The following CIB1 variants were observed in gnomAD, a reference collection of about 807,000 sequenced individuals.
CIB1 encodes calcium and integrin binding 1.
CIB1 carries 19 observed loss-of-function variants against 25.0 expected under a neutral mutation model. The ratio of observed to expected loss-of-function variants is 0.76; its 90% CI spans 0.53 to 1.12. CIB1 has a LOEUF of 1.12. Among genes scored for constraint, CIB1 ranks in the 50% most tolerant of loss-of-function variants. CIB1 has a pLI of 0.00. For synonymous variants in CIB1, 104 were observed against 98.5 expected, an observed-to-expected ratio of 1.06 and a Z score of -0.33; for missense variants, 236 against 242.6, an observed-to-expected ratio of 0.97 and a Z score of 0.18.
the CIB1 span, chr15:90,258,312 G>C: frequency 2.6e-6 from 4 of 1,565,130 alleles, no homozygotes; most frequent in Admixed American, 3.3e-5. Flanking sequence ...AGGTCCAGAG[G>C]CCTCCTTGAA....
the CIB1 span, among the ~76,000 whole-genome samples, chr15:90,239,305 A>ATGTATGTGTGTG: frequency 6.8e-6 from 1 of 147,874 alleles, no homozygotes; most frequent in Non-Finnish European, 1.5e-5. Flanking sequence ...GAGACATAAA[A>ATGTATGTGTGTG]TGTGTGTGTG....
the CIB1 span, among the ~76,000 whole-genome samples, chr15:90,250,148 G>A: frequency 6.6e-6 from 1 of 151,796 alleles, no homozygotes; most frequent in Admixed American, 6.6e-5. Context: ...TAGGAGAGAC[G>A]GGATTTCACC....
the CIB1 span, chr15:90,250,699 G>T: frequency 6.2e-7 from 1 of 1,614,160 alleles, no homozygotes; most frequent in Non-Finnish European, 8.5e-7. Flanking sequence ...AATCTGAGAA[G>T]TGTGTTAAAG....
the CIB1 span, chr15:90,264,940 ACTC>A: frequency 6.5e-7 from 1 of 1,535,816 alleles, no homozygotes; most frequent in African/African-American, 1.4e-5. Flanking sequence ...GTTCCAGAGC[ACTC>A]CTCAACATCA....
chr15:90,237,264 T>A (rs1256876443), upstream of CIB1, among the ~76,000 whole-genome samples: 2 of 147,958 alleles, frequency 1.4e-5, no homozygotes, highest in Non-Finnish European at 3.0e-5. Context: ...CGGACTTTAT[T>A]GTAATTTTCT....
At chr15:90,252,731 G>A in the CIB1 span, among the ~76,000 whole-genome samples, 12 of 152,228 alleles carry the variant, frequency 7.9e-5, no homozygotes, top group African/African-American at 2.6e-4. Flanking sequence ...AGCTGGGCAC[G>A]GTGGCTCATG....
chr15:90,264,386 G>A, the CIB1 span, among the ~76,000 whole-genome samples: 1 of 152,074 alleles, frequency 6.6e-6, no homozygotes, highest in Non-Finnish European at 1.5e-5. Flanking sequence ...TTGCCACGTA[G>A]CCCAGGCTGG....
At chr15:90,254,190 T>TGTTG in the CIB1 span, among the ~76,000 whole-genome samples, 27 of 90,972 alleles carry the variant, frequency 3.0e-4, no homozygotes, top group African/African-American at 7.8e-4. Context: ...GAGACCCTGT[T>TGTTG]TTTTTTTTTT....
In CIB1 at chr15:90,232,363, G is replaced by A. The variant is rs375773452; in HGVS notation, c.87-36C>T. On this transcript the variant is annotated intron_variant, in intron 2 of 6. Transcript: ENST00000328649. ...GAGGGGAACTGTCGGTGTTCTCAGC[G>A]ATCGGTCTCCCTGTGTGTTCATTCC... The A allele has an allele frequency of 4.4e-6, 7 of 1,574,318 alleles. No individual in the cohort carries two copies. The highest frequency in any genetic ancestry group is 2.7e-5 in the African/African-American group (2 of 73,930).
At chr15:90,233,413 G>C (rs1267244380) in intron 2 of CIB1, among the ~76,000 whole-genome samples, 1 of 152,266 alleles carries the variant, frequency 6.6e-6, no homozygotes, top group African/African-American at 2.4e-5. Context: ...GCTGAAGCTA[G>C]TGGAGCCCAG....
At chr15:90,262,078 A>G in the CIB1 span, 87 of 1,535,948 alleles carry the variant, frequency 5.7e-5, no homozygotes, top group Non-Finnish European at 7.1e-5. Context: ...ACCTGGGAAA[A>G]TACCGGCGGA....
intron 2 of CIB1, 144 bp downstream of exon 2, chr15:90,233,525 G>T: frequency 9.4e-7 from 1 of 1,069,384 alleles, no homozygotes; most frequent in Non-Finnish European, 1.4e-6. Flanking sequence ...GGAGGAGGGC[G>T]CAGCCCGGGC....
Position 90,230,393 on chromosome 15 carries a change from C to T in CIB1, c.*91G>A, listed in dbSNP as rs1269439546. 6.8e-7 allele frequency: 1 copy of T among 1,478,196 alleles called. No individual in the cohort carries two copies. Among genetic ancestry groups the T allele is most frequent in the Admixed American group, 2.0e-5 (1 of 50,146 alleles). The allele number at this position is 1,478,196 out of a possible 1,614,324, so 91.6% of individuals were successfully genotyped here. ...CCAGCTCCAGGCTGGGCCAGCTTGGCCCGCACTGGCAACACAGGCTTGACC... is the reference window on the plus strand; with the variant it reads ...CCAGCTCCAGGCTGGGCCAGCTTGGTCCGCACTGGCAACACAGGCTTGACC... On this transcript the variant is annotated 3_prime_UTR_variant, in exon 7 of 7. Transcript: ENST00000328649.
At chr15:90,262,180 G>T in the CIB1 span, 1 of 1,533,114 alleles carries the variant, frequency 6.5e-7, no homozygotes, top group East Asian at 2.4e-5. Flanking sequence ...AGGCCAGAGA[G>T]GAGTGTGCCA....
the CIB1 span, chr15:90,257,234 GC>G: frequency 1.2e-6 from 2 of 1,613,420 alleles, no homozygotes; most frequent in Admixed American, 1.7e-5. Context: ...GGAGGGCCTA[GC>G]CCGTTTTGCC....
chr15:90,234,025 A>C, upstream of CIB1: 4 of 996,428 alleles, frequency 4.0e-6, no homozygotes, highest in South Asian at 1.9e-5. Flanking sequence ...CCCCCTCCTA[A>C]AAGCTGCCAG....
the CIB1 span, among the ~76,000 whole-genome samples, chr15:90,246,163 C>T: frequency 6.6e-6 from 1 of 152,088 alleles, no homozygotes; most frequent in East Asian, 1.9e-4. Context: ...ATCCTAGCTA[C>T]TCAGGAGGCT....
intron 3 of CIB1, among the ~76,000 whole-genome samples, chr15:90,231,797 AG>A (rs1361629263): frequency 3.9e-5 from 6 of 152,212 alleles, no homozygotes; most frequent in Non-Finnish European, 8.8e-5. Context: ...TCCTAAACAA[AG>A]GGAACGAGAT....
chr15:90,231,910 G>C (rs951913947), intron 3 of CIB1, among the ~76,000 whole-genome samples: 6 of 152,262 alleles, frequency 3.9e-5, no homozygotes, highest in Non-Finnish European at 2.9e-5. Flanking sequence ...GCCTTACGGA[G>C]TGGCAATCAG....
Sources: allele counts gnomAD v4.1 joint callset (sites outside exome capture counted in the v4.1 genomes callset), GRCh38; gene constraint gnomAD v4.1.1; transcripts MANE v1.5; gene names NCBI Gene and HGNC (gene_info 2026-07-23, HGNC 2026-07-21).